The following ZNF727 variants were observed in gnomAD, a reference collection of about 807,000 sequenced individuals.
ZNF727 encodes zinc finger protein 727.
ZNF727 carries 11 observed loss-of-function variants against 11.5 expected under a neutral mutation model. The observed-to-expected ratio is 0.95, with a 90% CI of 0.60 to 1.58. ZNF727 has a LOEUF of 1.58. Ranked by LOEUF, ZNF727 falls within the 40% of genes most tolerant of loss-of-function variation. The pLI, the probability that ZNF727 is intolerant of heterozygous loss-of-function variation, is 0.00. For missense variants in ZNF727, 533 were observed against 581.7 expected (o/e 0.92, Z 0.86); for synonymous variants, 171 against 196.1 (o/e 0.87, Z 1.07).
chr7:64,082,436 A>C lies in ZNF727; in HGVS notation c.*3887A>C, dbSNP rs1785807912. On this transcript the variant is annotated 3_prime_UTR_variant, in exon 4 of 4. Transcript: ENST00000456806. ...CCAGTGAATACTGTAAAACAGCAAC[A>C]ATGGCAGCATGCCCTTTTTTCTAAG... is the stretch of plus-strand genomic sequence containing the variant. Among the ~76,000 whole-genome samples the C allele has an allele frequency of 6.6e-6, 1 of 152,250 alleles. No homozygotes were observed. Among genetic ancestry groups the C allele is most frequent in the East Asian group, 1.9e-4 (1 of 5,188 alleles).
At chr7:64,060,559 A>G (rs1423234968) in intron 1 of ZNF727, among the ~76,000 whole-genome samples, 1 of 152,246 alleles carries the variant, frequency 6.6e-6, no homozygotes, top group Non-Finnish European at 1.5e-5. Flanking sequence ...GCACCTTCAG[A>G]CCTGAAAGTA....
chr7:64,050,776 A>ATG (rs10609208), intron 1 of ZNF727, among the ~76,000 whole-genome samples: 3,529 of 148,346 alleles, frequency 0.024, 59 homozygotes, highest in African/African-American at 0.044. Context: ...ATGCATATGT[A>ATG]TGTGTGTGTG....
At position 64,080,693 on chromosome 7, in the gene ZNF727, CT is replaced by C. The variant is rs1785771971; in HGVS notation, c.*2145del. Among the ~76,000 whole-genome samples, 1 of 152,092 alleles carries C rather than the reference CT, an allele frequency of 6.6e-6. No individual in the cohort carries two copies. Among genetic ancestry groups the C allele is most frequent in the South Asian group, 2.1e-4 (1 of 4,830 alleles). ...GGTCATTTGGATGAAAGAAGTCACT[CT>C]GGCTTTTTGTGTTTTCAACATTTTT... On this transcript the variant is annotated 3_prime_UTR_variant, in exon 4 of 4. Coordinates refer to ENST00000456806, the MANE Select transcript of ZNF727 (RefSeq NM_001159522.3).
chr7:64,056,202 T>C (rs1789683705), intron 1 of ZNF727, among the ~76,000 whole-genome samples: 1 of 152,214 alleles, frequency 6.6e-6, no homozygotes, highest in Non-Finnish European at 1.5e-5. Flanking sequence ...GTTGAATCTC[T>C]TGGGTTGCTA....
chr7:64,068,277 C>T (rs1480034524), intron 1 of ZNF727, among the ~76,000 whole-genome samples: 1 of 152,120 alleles, frequency 6.6e-6, no homozygotes, highest in Non-Finnish European at 1.5e-5. Flanking sequence ...AATCTGACAG[C>T]TCTTCTTTCT....
At position 64,078,319 on chromosome 7, in the gene ZNF727, T is replaced by C. The variant is rs1224695203; in HGVS notation, c.1270T>C (p.Tyr424His). The change falls in exon 4 of 4, where the codon TAC becomes CAC. Residue 424 changes from tyrosine (Y) to histidine (H), a missense_variant. By Grantham distance (83) the Tyr-to-His change is moderately conservative. Around this residue, in one of 3 missense-constraint regions of ZNF727, gnomAD observed 463 missense variants for 494.5 expected, o/e 0.94. Coordinates refer to ENST00000456806, the MANE Select transcript of ZNF727 (RefSeq NM_001159522.3). ...GAGAATTCATATGGAAGTGAGACCT[T>C]ACAAATGTGAAGAATGTGGCAAAAC... ...HKRIHMEVRPYKCEECGKTFK... is the reference protein window; with the variant it reads ...HKRIHMEVRPHKCEECGKTFK... The C allele has an allele frequency of 3.2e-6, 5 of 1,577,386 alleles. No individual in the cohort carries two copies. Among genetic ancestry groups the C allele is most frequent in the Non-Finnish European group, 4.3e-6 (5 of 1,161,888 alleles).
intron 3 of ZNF727, among the ~76,000 whole-genome samples, chr7:64,076,019 T>G (rs1459501079): frequency 1.2e-5 from 1 of 85,714 alleles, no homozygotes; most frequent in East Asian, 3.0e-4. Context: ...TTAATTTTTT[T>G]GTTAAATTTT....
chr7:64,045,732 C>T (rs538143824), intron 1 of ZNF727, 108 bp downstream of exon 1: 2 of 1,432,868 alleles, frequency 1.4e-6, no homozygotes, highest in African/African-American at 1.4e-5. Context: ...GCAGCAGCTC[C>T]GAGTCCCCGT....
Position 64,084,819 on chromosome 7 carries a change from C to T in ZNF727, c.*6270C>T, listed in dbSNP as rs1488036341. 1.3e-5 allele frequency among the ~76,000 whole-genome samples: 2 copies of T among 151,822 alleles called. No individual in the cohort carries two copies. Among genetic ancestry groups the T allele is most frequent in the African/African-American group, 2.4e-5 (1 of 41,328 alleles). On this transcript the variant is annotated 3_prime_UTR_variant, in exon 4 of 4. Transcript: ENST00000456806. ...GTAACAGATTTATAGAGAAAATATTCGTATTTGTTTATGGTTGTATACCTA... is the reference window on the plus strand; with the variant it reads ...GTAACAGATTTATAGAGAAAATATTTGTATTTGTTTATGGTTGTATACCTA...
intron 1 of ZNF727, among the ~76,000 whole-genome samples, chr7:64,058,978 TCAGTTGCC>T (rs977615079): frequency 6.7e-6 from 1 of 150,362 alleles, no homozygotes; most frequent in Non-Finnish European, 1.5e-5. Flanking sequence ...GGAGTCTCGA[TCAGTTGCC>T]CAGGCTGGAG....
chr7:64,046,944 T>A (rs1789517405), intron 1 of ZNF727, among the ~76,000 whole-genome samples: 1 of 152,096 alleles, frequency 6.6e-6, no homozygotes, highest in Admixed American at 6.5e-5. Flanking sequence ...AGAGCTTTAT[T>A]GGCAGCTTGT....
intron 3 of ZNF727, among the ~76,000 whole-genome samples, chr7:64,076,014 T>A (rs1163245307): frequency 9.8e-6 from 1 of 102,190 alleles, no homozygotes; most frequent in Non-Finnish European, 2.2e-5. Context: ...TTTGGTTAAT[T>A]TTTTTGTTAA....
intron 1 of ZNF727, among the ~76,000 whole-genome samples, chr7:64,055,368 A>G (rs1213270365): frequency 1.3e-5 from 2 of 152,056 alleles, no homozygotes; most frequent in African/African-American, 4.8e-5. Context: ...CAGTGAGCCA[A>G]GATCACACCA....
At chr7:64,047,134 C>G (rs1302307227) in intron 1 of ZNF727, among the ~76,000 whole-genome samples, 1 of 152,110 alleles carries the variant, frequency 6.6e-6, no homozygotes, top group Non-Finnish European at 1.5e-5. Context: ...GTTTTGTCTG[C>G]AATTTTCAAA....
chr7:64,081,059 T>C lies in ZNF727; in HGVS notation c.*2510T>C, dbSNP rs1346701733. Among the ~76,000 whole-genome samples the C allele has an allele frequency of 2.0e-5, 3 of 152,000 alleles. No individual in the cohort carries two copies. Among genetic ancestry groups the C allele is most frequent in the Admixed American group, 6.6e-5 (1 of 15,252 alleles). On this transcript the variant is annotated 3_prime_UTR_variant, in exon 4 of 4. Coordinates refer to ENST00000456806, the MANE Select transcript of ZNF727 (RefSeq NM_001159522.3). ...CTCCTTGTGATTTGGAGTCTGCCAC[T>C]CTGTGGGACTAAGGTGCCACAGCTG...
chr7:64,053,534 T>G lies in ZNF727; in HGVS notation c.3+7910T>G, dbSNP rs1162816706. ...TGGGGTTTCACCATGTTGGTCAGGC[T>G]GGTCTCAAACTCCTGACCTTGTGAT... On this transcript the variant is annotated intron_variant, in intron 1 of 3. Coordinates refer to ENST00000456806, the MANE Select transcript of ZNF727 (RefSeq NM_001159522.3). Among the ~76,000 whole-genome samples, 6 of 152,266 alleles carry G rather than the reference T, an allele frequency of 3.9e-5. No homozygotes were observed. In the South Asian group the frequency reaches 8.3e-4, roughly 21 times the overall value.
chr7:64,051,840 A>ATTAAAT (rs1414928492), intron 1 of ZNF727, among the ~76,000 whole-genome samples: 1 of 152,244 alleles, frequency 6.6e-6, no homozygotes, highest in Non-Finnish European at 1.5e-5. Flanking sequence ...AAGGCCTTTC[A>ATTAAAT]TTAAATTTCA....
intron 1 of ZNF727, 113 bp from the exon 2 acceptor site, chr7:64,068,778 A>G (rs1789910639): frequency 3.2e-6 from 4 of 1,236,726 alleles, no homozygotes; most frequent in South Asian, 2.8e-5. Flanking sequence ...ATCCTATTGG[A>G]TAACTCCAGT....
chr7:64,063,816 G>T (rs1789819230), intron 1 of ZNF727, among the ~76,000 whole-genome samples: 1 of 152,068 alleles, frequency 6.6e-6, no homozygotes, highest in African/African-American at 2.4e-5. Context: ...ATTCTGCTGT[G>T]GCTTAGCTGG....
Sources: gnomAD v4.1 joint callset for allele counts (sites outside exome capture counted in the v4.1 genomes callset) on GRCh38, gnomAD v4.1.1 for gene constraint, gnomAD v4.1.1 regional missense constraint, MANE v1.5 for transcripts, NCBI Gene and HGNC (gene_info 2026-07-23, HGNC 2026-07-21) for gene names.